The following WDPCP variants were observed in gnomAD, a reference collection of about 807,000 sequenced individuals.
WDPCP encodes the protein WD repeat containing planar cell polarity effector.
In WDPCP, 71 loss-of-function variants were observed where a neutral mutation model predicts 93.1. The observed-to-expected ratio is 0.76, with a 90% CI of 0.63 to 0.93. WDPCP has a LOEUF of 0.93. Ranked by LOEUF, WDPCP falls within the 40% of genes least tolerant of loss-of-function variation. WDPCP has a pLI of 0.00. For synonymous variants in WDPCP, 315 were observed against 315.0 expected (o/e 1.00, Z 0.00); for missense variants, 844 against 887.4 (o/e 0.95, Z 0.62).
intron 13 of WDPCP, among the ~76,000 whole-genome samples, chr2:63,300,973 G>T (rs1685287625): frequency 6.6e-6 from 1 of 152,050 alleles, no homozygotes; most frequent in Non-Finnish European, 1.5e-5. Context: ...TCCTTGGTCT[G>T]TAGAGCACAT....
At chr2:63,625,294 C>T (rs946842119) in intron 3 of WDPCP, among the ~76,000 whole-genome samples, 2 of 152,196 alleles carry the variant, frequency 1.3e-5, no homozygotes, top group Admixed American at 6.5e-5. Context: ...TCTCTCTCAC[C>T]ACTCCTATTC....
At chr2:63,776,491 C>CA (rs2103960494) in intron 2 of WDPCP, among the ~76,000 whole-genome samples, 1 of 151,456 alleles carries the variant, frequency 6.6e-6, no homozygotes, top group East Asian at 1.9e-4. Context: ...CCCATATCTA[C>CA]AAAAAATACA....
At chr2:63,254,902 G>T (rs896338526) in intron 14 of WDPCP, among the ~76,000 whole-genome samples, 8 of 152,114 alleles carry the variant, frequency 5.3e-5, no homozygotes, top group African/African-American at 1.9e-4. Flanking sequence ...TTTAAAAATA[G>T]TAAATGAAAT....
intron 2 of WDPCP, among the ~76,000 whole-genome samples, chr2:63,779,032 A>G (rs1014141034): frequency 6.6e-6 from 1 of 152,190 alleles, no homozygotes; most frequent in Non-Finnish European, 1.5e-5. Context: ...AGGGGAATGT[A>G]TCTTTTCCTT....
rs527260877 is a variant in WDPCP, at chr2:63,509,329, G to A, written c.76-16389C>T. Among the ~76,000 whole-genome samples, 7 of 152,250 alleles carry A rather than the reference G, an allele frequency of 4.6e-5. No individual in the cohort carries two copies. In the South Asian group the frequency reaches 1.0e-3, roughly 23 times the overall value. On this transcript the variant is annotated intron_variant, in intron 1 of 17. Transcript: ENST00000272321. The stretch of plus-strand genomic sequence containing the variant: ...GAAACTGAACAACCTGCTCCTGAAT[G>A]TCTACTGGGTAAATAACAAAATTAA...
At chr2:63,652,683 T>A (rs1370278420) in intron 2 of WDPCP, among the ~76,000 whole-genome samples, 1 of 152,220 alleles carries the variant, frequency 6.6e-6, no homozygotes, top group Non-Finnish European at 1.5e-5. Context: ...GATAAAAGGA[T>A]TCAGAAATGA....
chr2:63,525,282 T>A (rs1157482600), intron 1 of WDPCP, among the ~76,000 whole-genome samples: 38 of 152,090 alleles, frequency 2.5e-4, no homozygotes, highest in Admixed American at 2.5e-3. Context: ...ACAGAAAACC[T>A]ACCTATTGGG....
At chr2:63,274,081 G>T (rs555879013) in intron 13 of WDPCP, among the ~76,000 whole-genome samples, 1 of 152,142 alleles carries the variant, frequency 6.6e-6, no homozygotes. Flanking sequence ...ATATTCTCCA[G>T]GATTGACCAT....
intron 13 of WDPCP, among the ~76,000 whole-genome samples, chr2:63,292,362 GT>G (rs1446597195): frequency 1.7e-5 from 1 of 59,258 alleles, no homozygotes; most frequent in Non-Finnish European, 2.8e-5. Context: ...TATCCTAACA[GT>G]TTTATTTAAA....
intron 2 of WDPCP, among the ~76,000 whole-genome samples, chr2:63,756,217 G>A (rs1669966252): frequency 6.6e-6 from 1 of 152,168 alleles, no homozygotes; most frequent in Admixed American, 6.5e-5. Flanking sequence ...CATTTCCACT[G>A]AAGATAGTAT....
intron 2 of WDPCP, among the ~76,000 whole-genome samples, chr2:63,730,677 C>T (rs1415279877): frequency 6.6e-6 from 1 of 151,920 alleles, no homozygotes; most frequent in Non-Finnish European, 1.5e-5. Context: ...GGAGATATGA[C>T]ATGATCACCG....
At chr2:63,324,138 T>C (rs1437315697) in intron 12 of WDPCP, among the ~76,000 whole-genome samples, 1 of 152,094 alleles carries the variant, frequency 6.6e-6, no homozygotes, top group African/African-American at 2.4e-5. Flanking sequence ...AAGTATAAAT[T>C]ACAATACTAT....
At chr2:63,708,527 C>A (rs1004501518) in intron 2 of WDPCP, among the ~76,000 whole-genome samples, 2 of 152,198 alleles carry the variant, frequency 1.3e-5, no homozygotes, top group Non-Finnish European at 2.9e-5. Flanking sequence ...CCGTCTGTCA[C>A]CCCTTTCTTT....
chr2:63,608,840 T>C (rs1182116933), intron 3 of WDPCP, among the ~76,000 whole-genome samples: 1 of 151,924 alleles, frequency 6.6e-6, no homozygotes, highest in Non-Finnish European at 1.5e-5. Context: ...CCTAGATCAT[T>C]TTATGATGTA....
At chr2:63,225,229 GAAC>G (rs1029361354) in intron 14 of WDPCP, among the ~76,000 whole-genome samples, 6 of 151,834 alleles carry the variant, frequency 4.0e-5, no homozygotes, top group Non-Finnish European at 7.4e-5. Context: ...TAACTCTATA[GAAC>G]AATAGGCAGA....
At chr2:63,825,106 GA>G (rs912041217) in intron 1 of WDPCP, among the ~76,000 whole-genome samples, 1 of 152,102 alleles carries the variant, frequency 6.6e-6, no homozygotes, top group African/African-American at 2.4e-5. Context: ...GAATGACTTA[GA>G]AACATTTGAA....
rs752670896 is a variant in WDPCP at position 63,404,187 on chromosome 2, A to G, written c.1296T>C (p.Phe432=). ...TTTGAACAAGACTGCTGGAGGCATCAAATAATTTACTGAATTGCAGAGTCT... is the reference window on the plus strand; with the variant it reads ...TTTGAACAAGACTGCTGGAGGCATCGAATAATTTACTGAATTGCAGAGTCT... ...PRETLQFSKL[F]DASSSLVQMQ... Residue 432 remains phenylalanine, a synonymous_variant, in exon 10 of 18, where the codon TTT becomes TTC. Transcript: ENST00000272321. 1.1e-5 allele frequency: 17 copies of G among 1,613,956 alleles called. No individual in the cohort carries two copies. The South Asian group carries it at 1.1e-4, about 10-fold the overall frequency.
In WDPCP at chr2:63,753,901, TC is replaced by T. The variant is rs751989648; in HGVS notation, n.308+59720del. Among the ~76,000 whole-genome samples, 3 of 152,176 alleles carry T rather than the reference TC, an allele frequency of 2.0e-5. No homozygotes were observed. In the East Asian group the frequency reaches 5.8e-4, roughly 29 times the overall value. ...GGAAGTAGGTAGCCTTAGATAAAATTCCCTGGAACCAGAATCTGAGACAGAG... is the reference window on the plus strand; with the variant it reads ...GGAAGTAGGTAGCCTTAGATAAAATTCCTGGAACCAGAATCTGAGACAGAG... On this transcript the variant is annotated intron_variant and non_coding_transcript_variant, in intron 2 of 4. Coordinates refer to the WDPCP transcript ENST00000467687.
chr2:63,652,340 C>T (rs1483099231), intron 2 of WDPCP, among the ~76,000 whole-genome samples: 1 of 152,214 alleles, frequency 6.6e-6, no homozygotes, highest in Non-Finnish European at 1.5e-5. Flanking sequence ...ATGCAATTCA[C>T]AAACTTTTGT....
Sources: gnomAD v4.1 joint callset for allele counts (sites outside exome capture counted in the v4.1 genomes callset) on GRCh38, gnomAD v4.1.1 for gene constraint, MANE v1.5 for transcripts, NCBI Gene and HGNC (gene_info 2026-07-23, HGNC 2026-07-21) for gene names.